The following NDE1 variants were observed in gnomAD, a reference collection of about 807,000 sequenced individuals.
NDE1 encodes nudE neurodevelopment protein 1, also known as nuclear distribution protein nudE homolog 1.
Under a neutral mutation model 43.4 loss-of-function variants are expected in NDE1, and 28 were observed. The ratio of observed to expected loss-of-function variants is 0.65; its 90% CI spans 0.48 to 0.89. The LOEUF (loss-of-function observed/expected upper bound fraction) is 0.89, where lower values mean the gene tolerates loss of function less well. NDE1 is among the 40% of genes least tolerant of loss of function. The probability of loss-of-function intolerance (pLI) is 0.00; values close to 1 mark genes in which losing one functional copy is unlikely to be tolerated. For synonymous variants in NDE1, 184 were observed against 172.0 expected, an observed-to-expected ratio of 1.07 and a Z score of -0.55; for missense variants, 441 against 434.1, an observed-to-expected ratio of 1.02 and a Z score of -0.14.
intron 8 of NDE1, among the ~76,000 whole-genome samples, chr16:15,723,253 T>C (rs2040577506): frequency 6.6e-6 from 1 of 152,148 alleles, no homozygotes; most frequent in East Asian, 1.9e-4. Flanking sequence ...CTAATTAATA[T>C]GCAATGTTGA....
At chr16:15,649,417 C>T (rs750140663), upstream of NDE1, 1 of 151,008 alleles carries the variant, frequency 6.6e-6, no homozygotes, top group African/African-American at 2.4e-5. Flanking sequence ...ACCGCCACCT[C>T]CCGGTTTCCC....
chr16:15,685,232 C>G (rs143512980), intron 4 of NDE1, among the ~76,000 whole-genome samples: 1 of 152,184 alleles, frequency 6.6e-6, no homozygotes, highest in East Asian at 1.9e-4. Context: ...AGTATTATCC[C>G]TTTGTTGTTG....
Position 15,690,144 on chromosome 16 carries a change from A to G in NDE1, c.524-1000A>G, listed in dbSNP as rs897717751. Among the ~76,000 whole-genome samples, 5 of 151,610 alleles carry G rather than the reference A, an allele frequency of 3.3e-5. No homozygotes were observed. The Admixed American group carries it at 3.3e-4, about 10-fold the overall frequency. On this transcript the variant is annotated intron_variant, in intron 5 of 8. Coordinates refer to ENST00000396354, the MANE Select transcript of NDE1 (RefSeq NM_017668.3). ...CACTCACTGCTTGTCCCCCAGGCTC[A>G]AGCGATTGTCTTGCCTCAGCCTCCC...
chr16:15,718,213 G>A, intron 8 of NDE1: 1 of 1,576,820 alleles, frequency 6.3e-7, no homozygotes, highest in Non-Finnish European at 8.6e-7. Context: ...CTCAATCCAG[G>A]GCCTGCACAC....
At chr16:15,701,802 G>T (rs559220915) in intron 8 of NDE1, 2 of 152,132 alleles carry the variant, frequency 1.3e-5, no homozygotes, top group African/African-American at 4.8e-5. Flanking sequence ...CTGAAATTCC[G>T]CAGAGAATTA....
rs1295501126 is a variant in NDE1 at position 15,722,846 on chromosome 16, C to T, written c.948-1345C>T. Among the ~76,000 whole-genome samples, 3 of 152,164 alleles carry T rather than the reference C, an allele frequency of 2.0e-5. No individual in the cohort carries two copies. The East Asian group carries it at 5.8e-4, about 29-fold the overall frequency. Reference sequence around the variant, plus strand: ...ACCTCCACCCCACCCTGGGTTCAAGCGATTCTCCTGCCTCAGCTTCCAGAG... The same window carrying T: ...ACCTCCACCCCACCCTGGGTTCAAGTGATTCTCCTGCCTCAGCTTCCAGAG... On this transcript the variant is annotated intron_variant, in intron 8 of 8. Coordinates refer to ENST00000396354, the MANE Select transcript of NDE1 (RefSeq NM_017668.3).
rs748529228 is a variant in NDE1, at chr16:15,714,897, C to T, written c.948-9294C>T. ...TGAGAGACGGGGTCCTCCCGGGCCACGGGCTCCTCACCTGAGCTTGCTCTT... is the reference window on the plus strand; with the variant it reads ...TGAGAGACGGGGTCCTCCCGGGCCATGGGCTCCTCACCTGAGCTTGCTCTT... On this transcript the variant is annotated intron_variant, in intron 8 of 8. Coordinates refer to ENST00000396354, the MANE Select transcript of NDE1 (RefSeq NM_017668.3). The T allele has an allele frequency of 2.0e-5, 32 of 1,612,992 alleles. No homozygotes were observed. The highest frequency in any genetic ancestry group is 2.7e-5 in the African/African-American group (2 of 74,908).
chr16:15,719,365 AG>A, intron 8 of NDE1: 2 of 1,576,830 alleles, frequency 1.3e-6, no homozygotes, highest in Non-Finnish European at 1.7e-6. Flanking sequence ...CCCCACCAAG[AG>A]TCCACCCTGA....
At chr16:15,648,010 G>A (rs2036365209), upstream of NDE1, among the ~76,000 whole-genome samples, 1 of 145,692 alleles carries the variant, frequency 6.9e-6, no homozygotes, top group Admixed American at 7.1e-5. Flanking sequence ...TCCAGCCTAT[G>A]TCACAGGGTG....
intron 4 of NDE1, among the ~76,000 whole-genome samples, chr16:15,679,134 TTTTA>T: frequency 6.6e-6 from 1 of 152,106 alleles, no homozygotes; most frequent in Non-Finnish European, 1.5e-5. Context: ...ATGTTTTTTC[TTTTA>T]TTTATTTTTG....
intron 5 of NDE1, among the ~76,000 whole-genome samples, chr16:15,690,753 A>G (rs924943505): frequency 2.0e-5 from 3 of 151,868 alleles, no homozygotes; most frequent in African/African-American, 4.8e-5. Context: ...TCTGACTGGT[A>G]TCTACTGTTG....
chr16:15,676,748 C>G (rs184925472), intron 3 of NDE1, among the ~76,000 whole-genome samples: 19 of 152,256 alleles, frequency 1.2e-4, no homozygotes, highest in African/African-American at 4.6e-4. Flanking sequence ...ACTGCAGCTT[C>G]GACCTCTCAG....
chr16:15,679,157 G>T (rs965487882), intron 4 of NDE1, among the ~76,000 whole-genome samples: 18 of 152,162 alleles, frequency 1.2e-4, no homozygotes, highest in African/African-American at 4.1e-4. Context: ...TGGAAACAGG[G>T]TCTTGCTCTG....
At chr16:15,654,597 C>T (rs1413749699) in intron 1 of NDE1, among the ~76,000 whole-genome samples, 14 of 105,554 alleles carry the variant, frequency 1.3e-4, no homozygotes, top group African/African-American at 4.7e-4. Flanking sequence ...AAAGAGATTC[C>T]GACTCAAAAA....
intron 8 of NDE1, chr16:15,719,532 G>A: frequency 6.2e-7 from 1 of 1,611,780 alleles, no homozygotes; most frequent in Non-Finnish European, 8.5e-7. Context: ...GCTGCCAAGG[G>A]GTGCTACCGT....
rs1291364486 is a variant in NDE1 at position 15,724,888 on chromosome 16, C to G, written c.*637C>G. ...CTGGATGATGTGGCAGGACACTCAC[C>G]TGGGTGTCCTGGAGCTGGGAACTGA... On this transcript the variant is annotated 3_prime_UTR_variant, in exon 9 of 9. Coordinates refer to ENST00000396354, the MANE Select transcript of NDE1 (RefSeq NM_017668.3). 6.2e-7 allele frequency: 1 copy of G among 1,613,968 alleles called. No individual in the cohort carries two copies. Among genetic ancestry groups the G allele is most frequent in the Non-Finnish European group, 8.5e-7 (1 of 1,179,952 alleles).
intron 1 of NDE1, among the ~76,000 whole-genome samples, chr16:15,657,321 ACTC>A (rs2036820948): frequency 6.7e-6 from 1 of 150,368 alleles, no homozygotes; most frequent in Non-Finnish European, 1.5e-5. Flanking sequence ...CTGGTCTTGA[ACTC>A]CTGACCTCAG....
intron 4 of NDE1, among the ~76,000 whole-genome samples, chr16:15,680,186 GA>G (rs1319768013): frequency 6.6e-6 from 1 of 152,172 alleles, no homozygotes; most frequent in Non-Finnish European, 1.5e-5. Context: ...GGCAGTAGCT[GA>G]AATCTCTTTG....
intron 8 of NDE1, among the ~76,000 whole-genome samples, chr16:15,721,977 C>T (rs913088500): frequency 3.3e-5 from 5 of 152,152 alleles, no homozygotes; most frequent in Admixed American, 6.6e-5. Flanking sequence ...CCTGCCTCAG[C>T]CTCCAGAGTA....
Sources: allele counts gnomAD v4.1 joint callset (sites outside exome capture counted in the v4.1 genomes callset), GRCh38; gene constraint gnomAD v4.1.1; transcripts MANE v1.5; gene names NCBI Gene and HGNC (gene_info 2026-07-23, HGNC 2026-07-21).